The following GPC5 variants were observed in gnomAD, a reference collection of about 807,000 sequenced individuals.
GPC5 encodes glypican-5.
GPC5 carries 47 observed loss-of-function variants against 53.9 expected under a neutral mutation model. That is an observed-to-expected ratio of 0.87 (90% CI 0.69 to 1.11). The LOEUF is 1.11. Ranked by LOEUF, GPC5 falls within the 50% of genes most tolerant of loss-of-function variation. GPC5 has a pLI of 0.00. For synonymous variants in GPC5, 286 were observed against 263.3 expected (o/e 1.09, Z -0.84); for missense variants, 748 against 713.1 (o/e 1.05, Z -0.56).
At chr13:92,376,653 A>G (rs913949321) in intron 7 of GPC5, among the ~76,000 whole-genome samples, 7 of 152,136 alleles carry the variant, frequency 4.6e-5, no homozygotes, top group Admixed American at 2.0e-4. Flanking sequence ...ATAAGTTTCA[A>G]TTTTGAGGTT....
chr13:92,214,377 T>C (rs1594003217), intron 7 of GPC5, among the ~76,000 whole-genome samples: 1 of 152,172 alleles, frequency 6.6e-6, no homozygotes. Context: ...ATAAACATTA[T>C]TGAAGTGTCC....
Position 92,592,835 on chromosome 13 carries a change from A to C in GPC5, c.1562-273447A>C, listed in dbSNP as rs577999888. ...GGCCTGTGTGACAGCTCCTTGCAAT[A>C]CTAGAGTTGAGTGAGTGAGGTTGAG... is the stretch of plus-strand genomic sequence containing the variant. On this transcript the variant is annotated intron_variant, in intron 7 of 7. Coordinates refer to ENST00000377067, the MANE Select transcript of GPC5 (RefSeq NM_004466.6). Among the ~76,000 whole-genome samples, 74 of 151,342 alleles carry C rather than the reference A, an allele frequency of 4.9e-4. 4 individuals are homozygous for C. Among genetic ancestry groups the C allele is most frequent in the African/African-American group, 1.7e-3 (70 of 41,334 alleles).
chr13:92,393,108 A>G (rs1320788782), intron 7 of GPC5, among the ~76,000 whole-genome samples: 1 of 152,216 alleles, frequency 6.6e-6, no homozygotes, highest in Non-Finnish European at 1.5e-5. Context: ...GTGAATGTTC[A>G]CTACAGGACT....
chr13:92,528,604 A>T (rs1594279937), intron 7 of GPC5, among the ~76,000 whole-genome samples: 1 of 152,056 alleles, frequency 6.6e-6, no homozygotes, highest in East Asian at 1.9e-4. Context: ...TGATGAAGTG[A>T]TCTATTAAAA....
At chr13:92,801,001 T>C (rs986098164) in intron 7 of GPC5, among the ~76,000 whole-genome samples, 2 of 151,760 alleles carry the variant, frequency 1.3e-5, no homozygotes, top group Admixed American at 6.6e-5. Flanking sequence ...CTAATTATTC[T>C]TGGTTTCTAG....
intron 7 of GPC5, among the ~76,000 whole-genome samples, chr13:92,641,270 ACAC>A (rs1885586422): frequency 6.6e-6 from 1 of 152,152 alleles, no homozygotes; most frequent in Non-Finnish European, 1.5e-5. Context: ...CCCGAGAAGG[ACAC>A]CACATCACTG....
chr13:92,779,266 C>G (rs1256846579), intron 7 of GPC5, among the ~76,000 whole-genome samples: 1 of 152,096 alleles, frequency 6.6e-6, no homozygotes, highest in East Asian at 1.9e-4. Context: ...GAAAGACCCA[C>G]CCCCATGATT....
At chr13:92,603,625 G>C (rs1271125920) in intron 7 of GPC5, among the ~76,000 whole-genome samples, 1 of 152,172 alleles carries the variant, frequency 6.6e-6, no homozygotes, top group East Asian at 1.9e-4. Context: ...TTTCATGGTT[G>C]TATTACCTAG....
At chr13:91,678,167 A>G (rs2035426375) in intron 2 of GPC5, among the ~76,000 whole-genome samples, 1 of 152,186 alleles carries the variant, frequency 6.6e-6, no homozygotes, top group Admixed American at 6.5e-5. Flanking sequence ...AATACTTTCA[A>G]TTCATTTCTT....
intron 7 of GPC5, among the ~76,000 whole-genome samples, chr13:92,488,891 A>G (rs1276810983): frequency 6.6e-6 from 1 of 152,232 alleles, no homozygotes; most frequent in Non-Finnish European, 1.5e-5. Context: ...TAAAGGCTTG[A>G]CAATAAAGGC....
chr13:92,590,189 C>T (rs969385391), intron 7 of GPC5, among the ~76,000 whole-genome samples: 2 of 152,040 alleles, frequency 1.3e-5, no homozygotes, highest in Admixed American at 6.5e-5. Context: ...AGTGAAAGTA[C>T]CTCAACGCCT....
At chr13:91,851,507 T>TA (rs1024012101) in intron 5 of GPC5, among the ~76,000 whole-genome samples, 8 of 151,830 alleles carry the variant, frequency 5.3e-5, no homozygotes, top group Non-Finnish European at 7.4e-5. Flanking sequence ...TTCTTTTTTT[T>TA]TTATTATTAT....
chr13:92,192,219 T>A (rs147360634), intron 7 of GPC5, among the ~76,000 whole-genome samples: 3 of 152,290 alleles, frequency 2.0e-5, no homozygotes, highest in African/African-American at 7.2e-5. Flanking sequence ...GAGCAAACCC[T>A]AATGTCAATT....
chr13:92,066,254 C>G (rs1202020749), intron 6 of GPC5, among the ~76,000 whole-genome samples: 1 of 151,902 alleles, frequency 6.6e-6, no homozygotes, highest in East Asian at 1.9e-4. Flanking sequence ...TATCTTTACT[C>G]AGATCCTATA....
intron 2 of GPC5, among the ~76,000 whole-genome samples, chr13:91,524,455 T>C (rs566044402): frequency 1.3e-4 from 20 of 152,298 alleles, no homozygotes; most frequent in African/African-American, 4.8e-4. Context: ...TTTAGATAAT[T>C]AATGAAAAAT....
intron 7 of GPC5, among the ~76,000 whole-genome samples, chr13:92,816,340 C>A (rs1159072135): frequency 1.3e-5 from 2 of 152,040 alleles, no homozygotes; most frequent in African/African-American, 4.8e-5. Flanking sequence ...GATTTCCCCC[C>A]TTGGGTTTCA....
chr13:92,430,166 G>A (rs140902840), intron 7 of GPC5, among the ~76,000 whole-genome samples: 16 of 152,072 alleles, frequency 1.1e-4, no homozygotes, highest in Non-Finnish European at 1.8e-4. Flanking sequence ...TCCCTGAGAG[G>A]AGGATACTTT....
At chr13:92,391,386 G>A (rs1381052496) in intron 7 of GPC5, among the ~76,000 whole-genome samples, 1 of 152,018 alleles carries the variant, frequency 6.6e-6, no homozygotes, top group Non-Finnish European at 1.5e-5. Flanking sequence ...GTGAGTAATA[G>A]GCTACAATAA....
chr13:92,086,394 G>T (rs1415687494), intron 6 of GPC5, among the ~76,000 whole-genome samples: 1 of 152,086 alleles, frequency 6.6e-6, no homozygotes, highest in African/African-American at 2.4e-5. Flanking sequence ...CATACCTTTT[G>T]ATCTCATCTT....
Sources: allele counts gnomAD v4.1 joint callset (sites outside exome capture counted in the v4.1 genomes callset), GRCh38; gene constraint gnomAD v4.1.1; transcripts MANE v1.5; gene names NCBI Gene and HGNC (gene_info 2026-07-23, HGNC 2026-07-21).